Variants in FAM78B observed in about 807,000 individuals in gnomAD.
FAM78B encodes family with sequence similarity 78 member B.
FAM78B carries 10 observed loss-of-function variants against 20.0 expected under a neutral mutation model. The observed-to-expected ratio is 0.50, with a 90% CI of 0.31 to 0.85. The LOEUF is 0.85. Ranked by LOEUF, FAM78B falls within the 40% of genes least tolerant of loss-of-function variation. FAM78B has a pLI of 0.05. For missense variants in FAM78B, 283 were observed against 345.0 expected (o/e 0.82, Z 1.42); for synonymous variants, 135 against 132.8 (o/e 1.02, Z -0.12).
At position 166,069,953 on chromosome 1, in the gene FAM78B, A is replaced by G; in HGVS notation, c.*288T>C. 2 of 1,117,770 alleles carry G rather than the reference A, an allele frequency of 1.8e-6. No individual in the cohort carries two copies. Among genetic ancestry groups the G allele is most frequent in the Non-Finnish European group, 2.2e-6 (2 of 912,850 alleles). 69.2% of individuals were successfully genotyped at this position (1,117,770 alleles called of 1,614,324 possible). A position where few individuals can be genotyped will look rare whatever the true frequency, so the allele number is the denominator to read the frequency against. ...ACAGGAAAGAAATGGTCAATAGTTC[A>G]GATAAAAGAATCATCCTGGTCAGCT... On this transcript the variant is annotated 3_prime_UTR_variant, in exon 2 of 2. Transcript: ENST00000354422.
intron 1 of FAM78B, among the ~76,000 whole-genome samples, chr1:166,126,851 G>A (rs966798483): frequency 6.6e-6 from 1 of 152,194 alleles, no homozygotes; most frequent in African/African-American, 2.4e-5. Context: ...AGCTGGGAAT[G>A]CACCCAGGTG....
intron 1 of FAM78B, among the ~76,000 whole-genome samples, chr1:166,142,634 A>G (rs1033118233): frequency 6.6e-6 from 1 of 152,206 alleles, no homozygotes; most frequent in South Asian, 2.1e-4. Flanking sequence ...GTTTGGGTAT[A>G]ATCTTTATCT....
intron 1 of FAM78B, among the ~76,000 whole-genome samples, chr1:166,087,887 G>GT (rs1214378040): frequency 3.3e-5 from 5 of 152,190 alleles, no homozygotes; most frequent in African/African-American, 1.2e-4. Context: ...GGCATAAGCC[G>GT]TAAGTAAATG....
chr1:166,077,403 A>G (rs140205494), intron 1 of FAM78B, among the ~76,000 whole-genome samples: 149 of 152,168 alleles, frequency 9.8e-4, no homozygotes, highest in African/African-American at 3.3e-3. Context: ...TAAATGAGAT[A>G]ATGAATGGGA....
At chr1:166,129,661 C>G (rs1380655877) in intron 1 of FAM78B, among the ~76,000 whole-genome samples, 1 of 152,196 alleles carries the variant, frequency 6.6e-6, no homozygotes, top group Admixed American at 6.5e-5. Flanking sequence ...CTCTGAGCTC[C>G]AGAGTCAAAA....
intron 1 of FAM78B, among the ~76,000 whole-genome samples, chr1:166,115,631 C>T (rs550651755): frequency 6.6e-6 from 1 of 152,292 alleles, no homozygotes; most frequent in East Asian, 1.9e-4. Context: ...TTCGCCGGGG[C>T]AGCTTATGAT....
At chr1:166,161,878 G>A (rs1412996868) in intron 1 of FAM78B, among the ~76,000 whole-genome samples, 2 of 152,210 alleles carry the variant, frequency 1.3e-5, no homozygotes, top group South Asian at 4.1e-4. Flanking sequence ...ATTGTGTCAT[G>A]TCATCATTGT....
intron 1 of FAM78B, among the ~76,000 whole-genome samples, chr1:166,073,129 T>C (rs753437191): frequency 5.3e-5 from 8 of 152,214 alleles, no homozygotes; most frequent in Non-Finnish European, 1.0e-4. Flanking sequence ...AATACCCTTT[T>C]CTTGGAGGAG....
Position 166,154,500 on chromosome 1 carries a change from G to C in FAM78B, c.263+11486C>G, listed in dbSNP as rs142278392. Among the ~76,000 whole-genome samples, 131 of 152,342 alleles carry C rather than the reference G, an allele frequency of 8.6e-4. 3 individuals are homozygous for C. The East Asian group carries it at 0.022, about 26-fold the overall frequency. On this transcript the variant is annotated intron_variant, in intron 1 of 1. Coordinates refer to ENST00000354422, the MANE Select transcript of FAM78B (RefSeq NM_001017961.5). ...TGGACTCTCTGCTCCTGGCAACTGT[G>C]TAGACATCCCTTGGGCTGATGTGAG...
intron 1 of FAM78B, among the ~76,000 whole-genome samples, chr1:166,074,790 G>C (rs183883708): frequency 1.6e-3 from 241 of 152,352 alleles, no homozygotes; most frequent in African/African-American, 5.5e-3. Flanking sequence ...TAGTGAATAT[G>C]AATGTATTTT....
chr1:166,160,879 G>C (rs560990644), intron 1 of FAM78B, among the ~76,000 whole-genome samples: 26 of 152,306 alleles, frequency 1.7e-4, no homozygotes, highest in African/African-American at 6.0e-4. Context: ...TCTTAGTAAT[G>C]GTAACCAGTA....
chr1:166,109,097 A>T (rs553759518), intron 1 of FAM78B, among the ~76,000 whole-genome samples: 6 of 152,210 alleles, frequency 3.9e-5, no homozygotes, highest in Non-Finnish European at 8.8e-5. Flanking sequence ...ACATTGGCTT[A>T]GGCAAGGATT....
chr1:166,068,130 G>C (rs917324300), downstream of FAM78B, among the ~76,000 whole-genome samples: 12 of 152,150 alleles, frequency 7.9e-5, no homozygotes, highest in Non-Finnish European at 1.6e-4. Context: ...TTTTCTTAAA[G>C]TGGGGCCACA....
At chr1:166,065,509 G>A (rs115631751), downstream of FAM78B, among the ~76,000 whole-genome samples, 20 of 152,254 alleles carry the variant, frequency 1.3e-4, no homozygotes, top group African/African-American at 4.8e-4. Flanking sequence ...GATGCCTCTT[G>A]TTCTACACAA....
chr1:166,102,421 TAA>T (rs1653563894), intron 1 of FAM78B, among the ~76,000 whole-genome samples: 1 of 152,076 alleles, frequency 6.6e-6, no homozygotes. Flanking sequence ...GCAAATTGGA[TAA>T]AGAGTCAAGA....
Position 166,098,558 on chromosome 1 carries a change from T to A in FAM78B, c.264-27795A>T, listed in dbSNP as rs540284593. On this transcript the variant is annotated intron_variant, in intron 1 of 1. Coordinates refer to ENST00000354422, the MANE Select transcript of FAM78B (RefSeq NM_001017961.5). ...AGCTTAAAGAAAAAACAATAAAAAA[T>A]TCAAGAAACTTTGGACACACTTTCA... Among the ~76,000 whole-genome samples the A allele has an allele frequency of 4.5e-4, 69 of 151,878 alleles. No individual in the cohort carries two copies. In the South Asian group the frequency reaches 0.014, roughly 32 times the overall value.
chr1:166,136,760 G>C (rs560819909), intron 1 of FAM78B, among the ~76,000 whole-genome samples: 2 of 152,304 alleles, frequency 1.3e-5, no homozygotes, highest in East Asian at 3.9e-4. Flanking sequence ...CTCTGATTTA[G>C]AGCAGTTGCA....
intron 1 of FAM78B, among the ~76,000 whole-genome samples, chr1:166,150,247 C>T (rs1345429055): frequency 6.6e-6 from 1 of 152,122 alleles, no homozygotes; most frequent in African/African-American, 2.4e-5. Flanking sequence ...CCCAAACCCT[C>T]CCAGTGCCTT....
chr1:166,061,646 G>A (rs1392569822), intron 2 of FAM78B, among the ~76,000 whole-genome samples: 1 of 152,202 alleles, frequency 6.6e-6, no homozygotes, highest in African/African-American at 2.4e-5. Context: ...CAGCCTAGAA[G>A]CCATTCTAGA....
Sources: allele counts gnomAD v4.1 joint callset (sites outside exome capture counted in the v4.1 genomes callset), GRCh38; gene constraint gnomAD v4.1.1; transcripts MANE v1.5; gene names NCBI Gene and HGNC (gene_info 2026-07-23, HGNC 2026-07-21).